The following ADAMTS3 variants were observed in gnomAD, a reference collection of about 807,000 sequenced individuals.
ADAMTS3 encodes A disintegrin and metalloproteinase with thrombospondin motifs 3.
In ADAMTS3, 73 loss-of-function variants were observed where a neutral mutation model predicts 129.0. That is an observed-to-expected ratio of 0.57 (90% CI 0.47 to 0.69). The LOEUF is 0.69. Among genes scored for constraint, ADAMTS3 ranks in the 30% least tolerant of loss-of-function variants. The probability of loss-of-function intolerance (pLI) is 0.00; values close to 1 mark genes in which losing one functional copy is unlikely to be tolerated. For synonymous variants in ADAMTS3, 477 were observed against 510.8 expected, an observed-to-expected ratio of 0.93 and a Z score of 0.89; for missense variants, 1,457 against 1,514.5, an observed-to-expected ratio of 0.96 and a Z score of 0.63.
At chr4:72,341,247 G>A (rs1720129807) in intron 4 of ADAMTS3, among the ~76,000 whole-genome samples, 1 of 152,066 alleles carries the variant, frequency 6.6e-6, no homozygotes, top group Non-Finnish European at 1.5e-5. Context: ...TTACAAGTAG[G>A]GGGACATGGT....
At chr4:72,480,983 G>T (rs1053428745) in intron 3 of ADAMTS3, among the ~76,000 whole-genome samples, 1 of 151,926 alleles carries the variant, frequency 6.6e-6, no homozygotes, top group Non-Finnish European at 1.5e-5. Flanking sequence ...TTAAATATAG[G>T]TGAAACTCTA....
At chr4:72,400,361 AGATATG>A (rs1257523769) in intron 4 of ADAMTS3, among the ~76,000 whole-genome samples, 7 of 147,002 alleles carry the variant, frequency 4.8e-5, no homozygotes, top group African/African-American at 1.5e-4. Flanking sequence ...ACGTGTGCAT[AGATATG>A]CACACGGTGT....
At chr4:72,388,752 A>G (rs1430268541) in intron 4 of ADAMTS3, among the ~76,000 whole-genome samples, 1 of 152,150 alleles carries the variant, frequency 6.6e-6, no homozygotes, top group Non-Finnish European at 1.5e-5. Context: ...GATTCACAGG[A>G]CTCAGCATAT....
chr4:72,528,867 G>A (rs1322422146), intron 3 of ADAMTS3, among the ~76,000 whole-genome samples: 1 of 152,028 alleles, frequency 6.6e-6, no homozygotes, highest in Non-Finnish European at 1.5e-5. Flanking sequence ...GCCAAGAATT[G>A]TTAAAAACCC....
At chr4:72,515,908 G>C (rs1424507450) in intron 3 of ADAMTS3, among the ~76,000 whole-genome samples, 2 of 152,332 alleles carry the variant, frequency 1.3e-5, no homozygotes, top group Middle Eastern at 3.4e-3. Context: ...TGAAGTCCTT[G>C]TGCATGCCTA....
intron 4 of ADAMTS3, among the ~76,000 whole-genome samples, chr4:72,411,345 G>A (rs192248338): frequency 1.4e-4 from 21 of 152,100 alleles, no homozygotes; most frequent in African/African-American, 4.8e-4. Flanking sequence ...AATAGCTTAG[G>A]GCTCCAGAGT....
intron 4 of ADAMTS3, among the ~76,000 whole-genome samples, chr4:72,350,691 C>T (rs562656631): frequency 2.6e-5 from 4 of 151,956 alleles, no homozygotes; most frequent in Non-Finnish European, 5.9e-5. Flanking sequence ...AGGCCAGACC[C>T]GTCTGTCTAC....
chr4:72,351,404 T>C (rs1487620907), intron 4 of ADAMTS3, among the ~76,000 whole-genome samples: 2 of 151,934 alleles, frequency 1.3e-5, no homozygotes, highest in African/African-American at 4.8e-5. Context: ...AGTTAGGCAG[T>C]AGTGAAATAT....
At chr4:72,549,371 C>T (rs1721552576) in intron 2 of ADAMTS3, among the ~76,000 whole-genome samples, 1 of 152,086 alleles carries the variant, frequency 6.6e-6, no homozygotes, top group African/African-American at 2.4e-5. Flanking sequence ...GTAATGTATA[C>T]ACTGTAGCTT....
At chr4:72,398,218 A>G (rs951952316) in intron 4 of ADAMTS3, among the ~76,000 whole-genome samples, 1 of 152,098 alleles carries the variant, frequency 6.6e-6, no homozygotes, top group Non-Finnish European at 1.5e-5. Context: ...AAAGGGTGCA[A>G]AACAAAAAAT....
At chr4:72,547,648 G>A (rs1317841257) in intron 3 of ADAMTS3, among the ~76,000 whole-genome samples, 1 of 152,030 alleles carries the variant, frequency 6.6e-6, no homozygotes. Flanking sequence ...TCCCCAGTCA[G>A]TACCAGACTA....
intron 2 of ADAMTS3, among the ~76,000 whole-genome samples, chr4:72,551,223 A>T (rs1476635807): frequency 6.6e-6 from 1 of 152,166 alleles, no homozygotes; most frequent in Non-Finnish European, 1.5e-5. Context: ...AGTCTAAATC[A>T]GTATATTGTA....
chr4:72,373,079 T>A (rs968556022), intron 4 of ADAMTS3, among the ~76,000 whole-genome samples: 2 of 152,212 alleles, frequency 1.3e-5, no homozygotes, highest in Non-Finnish European at 2.9e-5. Flanking sequence ...ATTGTTCTTC[T>A]GTGGAAACTA....
intron 11 of ADAMTS3, among the ~76,000 whole-genome samples, chr4:72,314,811 T>C (rs1171650317): frequency 6.6e-6 from 1 of 152,196 alleles, no homozygotes; most frequent in Non-Finnish European, 1.5e-5. Context: ...TTATTATGCA[T>C]ATAATCCCTG....
rs1578575326 is a variant in ADAMTS3 at position 72,315,959 on chromosome 4, C to A, written c.1498G>T (p.Asp500Tyr). 6.2e-7 allele frequency: 1 copy of A among 1,608,816 alleles called. No individual in the cohort carries two copies. Among genetic ancestry groups the A allele is most frequent in the Non-Finnish European group, 8.5e-7 (1 of 1,177,576 alleles). ...YKMCTAFRTF[D>Y]PCKQLWCSHP... ...CTACACCACAGCTGTTTACATGGGT[C>A]AAAGGTTCGGAACTGGAAGATAGAT... is the stretch of plus-strand genomic sequence containing the variant. Residue 500 changes from aspartate (D) to tyrosine (Y), a missense_variant, in exon 11 of 22, where the codon GAC becomes TAC. By Grantham distance (160) the Asp-to-Tyr change is radical. Transcript: ENST00000286657.
intron 3 of ADAMTS3, among the ~76,000 whole-genome samples, chr4:72,505,696 G>T (rs1231357314): frequency 1.3e-5 from 2 of 152,240 alleles, no homozygotes; most frequent in Non-Finnish European, 2.9e-5. Context: ...CATGAAACTG[G>T]GAAACCTCCT....
intron 4 of ADAMTS3, among the ~76,000 whole-genome samples, chr4:72,370,256 GC>G (rs1247155136): frequency 6.6e-6 from 1 of 152,160 alleles, no homozygotes; most frequent in Non-Finnish European, 1.5e-5. Flanking sequence ...CGACTCTGGT[GC>G]CCAGGCTGTT....
At chr4:72,476,710 T>A (rs1025434019) in intron 3 of ADAMTS3, among the ~76,000 whole-genome samples, 1 of 151,886 alleles carries the variant, frequency 6.6e-6, no homozygotes, top group Non-Finnish European at 1.5e-5. Flanking sequence ...AAATTACACA[T>A]CAACATTCCT....
At chr4:72,424,095 C>T (rs1722513763) in intron 3 of ADAMTS3, among the ~76,000 whole-genome samples, 1 of 152,018 alleles carries the variant, frequency 6.6e-6, no homozygotes, top group East Asian at 1.9e-4. Flanking sequence ...GTTAACTGTA[C>T]CCAAATATAA....
Sources: gnomAD v4.1 joint callset for allele counts (sites outside exome capture counted in the v4.1 genomes callset) on GRCh38, gnomAD v4.1.1 for gene constraint, MANE v1.5 for transcripts, NCBI Gene and HGNC (gene_info 2026-07-23, HGNC 2026-07-21) for gene names.